The following PRKACB variants were observed in gnomAD, a reference collection of about 807,000 sequenced individuals.
The protein encoded by PRKACB is cAMP-dependent protein kinase catalytic subunit beta.
A neutral mutation model predicts 51.4 loss-of-function variants in PRKACB; 16 were observed. The ratio of observed to expected loss-of-function variants is 0.31; its 90% CI spans 0.21 to 0.47. The LOEUF (loss-of-function observed/expected upper bound fraction) is 0.47. PRKACB is among the 20% of genes least tolerant of loss of function. The probability of loss-of-function intolerance (pLI) is 1.00; values close to 1 mark genes in which losing one functional copy is unlikely to be tolerated. For missense variants in PRKACB, 309 were observed against 464.5 expected, an observed-to-expected ratio of 0.67 and a Z score of 3.08; for synonymous variants, 147 against 154.4, an observed-to-expected ratio of 0.95 and a Z score of 0.35.
chr1:84,086,061 AAG>A, intron 1 of PRKACB: 6 of 1,065,566 alleles, frequency 5.6e-6, no homozygotes, highest in Non-Finnish European at 8.8e-6. Context: ...CAGCATAGGA[AAG>A]TGCTGATGGC....
At chr1:84,201,368 A>C (rs1236451693) in intron 7 of PRKACB, among the ~76,000 whole-genome samples, 1 of 151,874 alleles carries the variant, frequency 6.6e-6, no homozygotes, top group Non-Finnish European at 1.5e-5. Flanking sequence ...TCCTTGGCCC[A>C]TTTATCTATT....
chr1:84,196,593 T>G, intron 5 of PRKACB, 23 bp from the exon 6 acceptor site: 1 of 1,599,292 alleles, frequency 6.3e-7, no homozygotes, highest in Non-Finnish European at 8.5e-7. Flanking sequence ...TTACAGAAAA[T>G]CAATGGTTTT....
At chr1:84,188,187 G>A (rs1665731396) in intron 5 of PRKACB, among the ~76,000 whole-genome samples, 1 of 141,478 alleles carries the variant, frequency 7.1e-6, no homozygotes, top group Non-Finnish European at 1.6e-5. Flanking sequence ...TTTTAAATCT[G>A]GAAACCAAAA....
intron 5 of PRKACB, among the ~76,000 whole-genome samples, chr1:84,186,094 G>A (rs1665009224): frequency 6.6e-6 from 1 of 152,144 alleles, no homozygotes; most frequent in Non-Finnish European, 1.5e-5. Flanking sequence ...GTGAGTGATG[G>A]TGGTGGGTCA....
At chr1:84,167,773 G>GT (rs1657996392) in intron 1 of PRKACB, among the ~76,000 whole-genome samples, 4 of 151,500 alleles carry the variant, frequency 2.6e-5, no homozygotes, top group African/African-American at 9.7e-5. Context: ...ACCAGTGTGG[G>GT]TTTTGACTTT....
At chr1:84,164,356 T>G in intron 1 of PRKACB, 2 of 1,555,402 alleles carry the variant, frequency 1.3e-6, no homozygotes, top group South Asian at 1.2e-5. Flanking sequence ...AGAGCTGGTG[T>G]AATTGAAAGA....
intron 5 of PRKACB, among the ~76,000 whole-genome samples, chr1:84,191,616 G>A (rs906453373): frequency 6.6e-6 from 1 of 152,082 alleles, no homozygotes; most frequent in Non-Finnish European, 1.5e-5. Flanking sequence ...TTTTAAGTGG[G>A]AGCTAAACGT....
chr1:84,129,290 A>G (rs1316241379), intron 1 of PRKACB, among the ~76,000 whole-genome samples: 2 of 152,092 alleles, frequency 1.3e-5, no homozygotes, highest in Non-Finnish European at 2.9e-5. Context: ...TATTCTGGTG[A>G]GTTCAAGGAT....
Position 84,164,683 on chromosome 1 carries a change from A to T in PRKACB, c.188-14494A>T, listed in dbSNP as rs183628966. 169 of 1,392,408 alleles carry T rather than the reference A, an allele frequency of 1.2e-4. 2 individuals are homozygous for T. The Admixed American group carries it at 2.3e-3, about 19-fold the overall frequency. 86.3% of individuals were successfully genotyped at this position (1,392,408 alleles called of 1,614,324 possible). A position where few individuals can be genotyped will look rare whatever the true frequency, so the allele number is the denominator to read the frequency against. On this transcript the variant is annotated intron_variant, in intron 1 of 9. Coordinates refer to ENST00000370685, the MANE Select transcript of PRKACB (RefSeq NM_182948.4). ...ACATCTTATACATCCTGGTTCGAAC[A>T]TTTTCTCCCTGCCATTTTGAGTTGT...
chr1:84,230,295 T>G (rs919257928), intron 9 of PRKACB, among the ~76,000 whole-genome samples: 1 of 152,080 alleles, frequency 6.6e-6, no homozygotes, highest in African/African-American at 2.4e-5. Context: ...GATCTATATC[T>G]CTGTTTTGGT....
chr1:84,219,262 T>C (rs981815485), intron 9 of PRKACB, among the ~76,000 whole-genome samples: 19 of 151,698 alleles, frequency 1.3e-4, no homozygotes, highest in Non-Finnish European at 1.0e-4. Flanking sequence ...TTCGCTCTTG[T>C]TGCCCAGGCT....
chr1:84,195,980 A>G (rs1024172309), intron 5 of PRKACB, among the ~76,000 whole-genome samples: 3 of 152,072 alleles, frequency 2.0e-5, no homozygotes, highest in African/African-American at 7.2e-5. Context: ...CTGTGAATCT[A>G]TGTAAACAAG....
chr1:84,206,179 CA>C (rs1177594432), intron 8 of PRKACB, among the ~76,000 whole-genome samples: 1 of 152,152 alleles, frequency 6.6e-6, no homozygotes, highest in Non-Finnish European at 1.5e-5. Context: ...TTAGCTTCAA[CA>C]TATCTAATGT....
At chr1:84,124,592 T>C (rs181273157) in intron 1 of PRKACB, among the ~76,000 whole-genome samples, 1 of 152,312 alleles carries the variant, frequency 6.6e-6, no homozygotes, top group African/African-American at 2.4e-5. Context: ...CTTCACCTCT[T>C]TATGCTGTGG....
chr1:84,186,344 G>A (rs1274177207), intron 5 of PRKACB, among the ~76,000 whole-genome samples: 4 of 151,790 alleles, frequency 2.6e-5, no homozygotes, highest in East Asian at 1.9e-4. Flanking sequence ...TCAGCCACCC[G>A]AGTAGCTGGG....
chr1:84,090,054 G>A (rs527853070), intron 1 of PRKACB, among the ~76,000 whole-genome samples: 1 of 152,320 alleles, frequency 6.6e-6, no homozygotes, highest in East Asian at 1.9e-4. Flanking sequence ...AGAGAAAGCT[G>A]CACAGAAGAA....
intron 8 of PRKACB, among the ~76,000 whole-genome samples, chr1:84,210,535 G>A (rs1044085419): frequency 6.6e-5 from 10 of 152,126 alleles, no homozygotes; most frequent in African/African-American, 1.7e-4. Context: ...GGAGTTGGTA[G>A]CCTCACAGGA....
intron 1 of PRKACB, among the ~76,000 whole-genome samples, chr1:84,138,138 A>G (rs571509308): frequency 6.6e-6 from 1 of 152,160 alleles, no homozygotes; most frequent in African/African-American, 2.4e-5. Context: ...TGATTCTAAA[A>G]GGGCTGGGGC....
At chr1:84,078,447 T>C (rs934065919) in intron 1 of PRKACB, 20 of 1,551,300 alleles carry the variant, frequency 1.3e-5, no homozygotes, top group Non-Finnish European at 1.8e-6. Flanking sequence ...GGTCGCAGCT[T>C]CTGAGGCCGC....
Sources: allele counts gnomAD v4.1 joint callset (sites outside exome capture counted in the v4.1 genomes callset), GRCh38; gene constraint gnomAD v4.1.1; transcripts MANE v1.5; gene names NCBI Gene and HGNC (gene_info 2026-07-23, HGNC 2026-07-21).